KCNC4: variants seen among roughly 807,000 people sequenced by gnomAD.
KCNC4 encodes potassium voltage-gated channel subfamily C member 4, also known as voltage-gated potassium channel KCNC4.
A neutral mutation model predicts 42.8 loss-of-function variants in KCNC4; 23 were observed. The observed-to-expected ratio is 0.54, with a 90% CI of 0.39 to 0.76. The LOEUF is 0.76. KCNC4 is among the 30% of genes least tolerant of loss of function. The pLI, the probability that KCNC4 is intolerant of heterozygous loss-of-function variation, is 0.00. For missense variants in KCNC4, 751 were observed against 898.2 expected (o/e 0.84, Z 2.10); for synonymous variants, 422 against 393.5 (o/e 1.07, Z -0.86).
At chr1:110,253,128 A>G (rs998390521), downstream of KCNC4, among the ~76,000 whole-genome samples, 1 of 152,204 alleles carries the variant, frequency 6.6e-6, no homozygotes, top group African/African-American at 2.4e-5. Flanking sequence ...AGTCCAATGC[A>G]CAATGGCTCC....
intron 1 of KCNC4, among the ~76,000 whole-genome samples, chr1:110,219,420 A>G (rs1230237347): frequency 6.6e-6 from 1 of 152,214 alleles, no homozygotes; most frequent in African/African-American, 2.4e-5. Context: ...AGAAGTTACC[A>G]TTCATTTACC....
intron 1 of KCNC4, among the ~76,000 whole-genome samples, chr1:110,279,552 A>G (rs1328434973): frequency 6.6e-6 from 1 of 152,110 alleles, no homozygotes; most frequent in Non-Finnish European, 1.5e-5. Context: ...ATAGCTTTCC[A>G]TCTGGACTAA....
chr1:110,277,591 GA>G (rs1659746704), intron 1 of KCNC4, among the ~76,000 whole-genome samples: 1 of 152,172 alleles, frequency 6.6e-6, no homozygotes, highest in Non-Finnish European at 1.5e-5. Flanking sequence ...AGCTGAGAGT[GA>G]CAGTGCTTCT....
intron 1 of KCNC4, among the ~76,000 whole-genome samples, chr1:110,212,401 A>T (rs1657529821): frequency 6.6e-6 from 1 of 151,794 alleles, no homozygotes; most frequent in Non-Finnish European, 1.5e-5. Flanking sequence ...TTGACTTACT[A>T]CTTGGACCCA....
At chr1:110,232,272 G>T (rs1393842700) in intron 3 of KCNC4, 1 of 1,613,838 alleles carries the variant, frequency 6.2e-7, no homozygotes, top group Non-Finnish European at 8.5e-7. Flanking sequence ...GAGGCTGCAT[G>T]CCCTCCAACT....
chr1:110,275,316 A>G (rs1383956161), intron 1 of KCNC4, among the ~76,000 whole-genome samples: 4 of 152,222 alleles, frequency 2.6e-5, no homozygotes, highest in Admixed American at 6.5e-5. Context: ...ATGAAGTATC[A>G]TCTTATACTA....
rs756314290 is a variant in KCNC4, at chr1:110,211,856, G to C, written c.357G>C (p.Ala119=). The change falls in exon 1 of 4, where the codon GCG becomes GCC. Residue 119 remains alanine, a synonymous_variant. Coordinates refer to ENST00000438661, the MANE Select transcript of KCNC4 (RefSeq NM_001039574.3). The surrounding 1 kb of genome is among the most constrained non-coding windows in gnomAD (Gnocchi z 6.5). ...GCACCGGCAAGCTGCACTGCCCCGC[G>C]GACGTGTGCGGGCCGCTCTTCGAAG... ...YYRTGKLHCP[A]DVCGPLFEEE... The C allele has an allele frequency of 3.7e-6, 6 of 1,611,726 alleles. No individual in the cohort carries two copies. The highest frequency in any genetic ancestry group is 4.2e-6 in the Non-Finnish European group (5 of 1,179,850).
At chr1:110,257,424 A>G (rs1659353167) in intron 1 of KCNC4, among the ~76,000 whole-genome samples, 2 of 152,082 alleles carry the variant, frequency 1.3e-5, no homozygotes, top group Non-Finnish European at 2.9e-5. Context: ...AAAAAAAAAA[A>G]AAGTCCAGGG....
chr1:110,225,208 C>T (rs1658319359), intron 2 of KCNC4: 1 of 152,272 alleles, frequency 6.6e-6, no homozygotes, highest in African/African-American at 2.4e-5. Flanking sequence ...CCCTATCAGC[C>T]TTGCCCTTAG....
intron 1 of KCNC4, among the ~76,000 whole-genome samples, chr1:110,264,398 T>G (rs897830608): frequency 6.6e-6 from 1 of 152,154 alleles, no homozygotes; most frequent in Non-Finnish European, 1.5e-5. Flanking sequence ...AAAAGAATTA[T>G]TAGCTCTGGC....
At chr1:110,282,973 G>C (rs912608921) in intron 2 of KCNC4, 1 of 152,194 alleles carries the variant, frequency 6.6e-6, no homozygotes, top group African/African-American at 2.4e-5. Flanking sequence ...ATAAAGAAAA[G>C]AGGTATATTT....
intron 1 of KCNC4, among the ~76,000 whole-genome samples, chr1:110,276,782 C>T (rs12116681): frequency 0.12 from 18,361 of 152,140 alleles, 1,148 homozygotes; most frequent in Middle Eastern, 0.14. Context: ...CTTAGAACAG[C>T]CCCAGGAGCT....
chr1:110,222,704 G>T, intron 1 of KCNC4: 1 of 487,362 alleles, frequency 2.1e-6, no homozygotes, highest in Admixed American at 3.4e-5. Context: ...TCTAGCAGCT[G>T]TAGATACCTG....
At chr1:110,247,318 C>A (rs1659172282) in exon 4 of KCNC4, 1 of 149,196 alleles carries the variant, frequency 6.7e-6, no homozygotes, top group African/African-American at 2.5e-5. Context: ...GCCTTGACCT[C>A]TCAGGCCCAA....
At chr1:110,267,203 C>G (rs1264417754) in intron 1 of KCNC4, among the ~76,000 whole-genome samples, 1 of 152,150 alleles carries the variant, frequency 6.6e-6, no homozygotes, top group Non-Finnish European at 1.5e-5. Flanking sequence ...GTTTGGGGCC[C>G]AGGAGGGCTG....
rs1658186536 is a variant in KCNC4 at position 110,223,064 on chromosome 1, T to A, written c.779T>A (p.Ile260Asn). The A allele has an allele frequency of 1.2e-6, 2 of 1,613,946 alleles. No homozygotes were observed. Among genetic ancestry groups the A allele is most frequent in the Non-Finnish European group, 8.5e-7 (1 of 1,180,010 alleles). ...AFNIDRNVTE[I>N]LRVGNITSVH... is the part of the protein sequence containing the mutation. ...AATATCGACCGCAACGTGACAGAGATCCTCCGCGTAGGGAACATCACCAGC... is the reference window on the plus strand; with the variant it reads ...AATATCGACCGCAACGTGACAGAGAACCTCCGCGTAGGGAACATCACCAGC... The change falls in exon 2 of 4, where the codon ATC (isoleucine) becomes AAC (asparagine). Residue 260 changes from isoleucine (I) to asparagine (N), a missense_variant. Ile to Asn is a moderately radical substitution (Grantham distance 149). Coordinates refer to ENST00000438661, the MANE Select transcript of KCNC4 (RefSeq NM_001039574.3). This position sits in a 1 kb window ranked among gnomAD's most constrained non-coding sequence, Gnocchi z 7.5.
At chr1:110,249,862 A>G (rs79259741), downstream of KCNC4, among the ~76,000 whole-genome samples, 7,668 of 152,156 alleles carry the variant, frequency 0.05, 653 homozygotes, top group African/African-American at 0.18. Context: ...TGTCTTCCCA[A>G]ACTGAGACTC....
intron 1 of KCNC4, among the ~76,000 whole-genome samples, chr1:110,217,568 G>C (rs986488007): frequency 5.3e-5 from 8 of 152,294 alleles, no homozygotes; most frequent in African/African-American, 1.9e-4. Context: ...CTTGGATAGT[G>C]ATCCGGGCTA....
chr1:110,248,404 CAA>C (rs1162615941), exon 4 of KCNC4: 1 of 151,498 alleles, frequency 6.6e-6, no homozygotes, highest in Non-Finnish European at 1.5e-5. Context: ...ATTAAGGGCT[CAA>C]AGTGTGAAGT....
Sources: allele counts gnomAD v4.1 joint callset (sites outside exome capture counted in the v4.1 genomes callset), GRCh38; gene constraint gnomAD v4.1.1; non-coding constraint Gnocchi (gnomAD v3.1); transcripts MANE v1.5; gene names NCBI Gene and HGNC (gene_info 2026-07-23, HGNC 2026-07-21).